Variants in DAP observed in about 807,000 individuals in gnomAD.
DAP encodes death-associated protein 1.
DAP carries 8 observed loss-of-function variants against 13.8 expected under a neutral mutation model. The ratio of observed to expected loss-of-function variants is 0.58; its 90% CI spans 0.34 to 1.05. DAP has a LOEUF of 1.05. Ranked by LOEUF, DAP falls within the 50% of genes least tolerant of loss-of-function variation. DAP has a pLI of 0.03. For missense variants in DAP, 106 were observed against 133.2 expected (o/e 0.80, Z 1.01); for synonymous variants, 47 against 47.5 (o/e 0.99, Z 0.04).
chr5:10,743,419 A>G (rs1739811227), intron 2 of DAP, among the ~76,000 whole-genome samples: 1 of 152,186 alleles, frequency 6.6e-6, no homozygotes, highest in Non-Finnish European at 1.5e-5. Flanking sequence ...AGAACCATGC[A>G]AAAAGTCAAG....
intron 1 of DAP, among the ~76,000 whole-genome samples, chr5:10,750,399 G>A (rs1165120174): frequency 6.6e-6 from 1 of 152,146 alleles, no homozygotes; most frequent in Non-Finnish European, 1.5e-5. Flanking sequence ...CTGGCTGTTA[G>A]AAAAGGGCAA....
chr5:10,734,877 C>A (rs1373733710), intron 2 of DAP, among the ~76,000 whole-genome samples: 3 of 152,112 alleles, frequency 2.0e-5, no homozygotes. Context: ...TCTAAAGAAA[C>A]AAAATGAATT....
intron 2 of DAP, among the ~76,000 whole-genome samples, chr5:10,700,904 A>C (rs183145501): frequency 6.6e-6 from 1 of 152,390 alleles, no homozygotes; most frequent in Non-Finnish European, 1.5e-5. Flanking sequence ...ACATTGGCTG[A>C]CCAGCACAAG....
intron 2 of DAP, among the ~76,000 whole-genome samples, chr5:10,715,456 A>C (rs1275736152): frequency 6.6e-6 from 1 of 152,196 alleles, no homozygotes; most frequent in Non-Finnish European, 1.5e-5. Flanking sequence ...GACATGGAGT[A>C]GAAGCCTGAG....
intron 2 of DAP, among the ~76,000 whole-genome samples, chr5:10,702,421 C>T (rs1007838094): frequency 2.0e-5 from 3 of 152,142 alleles, no homozygotes; most frequent in African/African-American, 7.2e-5. Context: ...TTTTGTGACC[C>T]GACAATCTGG....
chr5:10,746,250 G>A (rs1250024688), intron 2 of DAP, among the ~76,000 whole-genome samples: 1 of 152,148 alleles, frequency 6.6e-6, no homozygotes, highest in African/African-American at 2.4e-5. Flanking sequence ...TGAACTTACA[G>A]GAGAGTTGCT....
At chr5:10,698,249 C>T (rs1460035404) in intron 2 of DAP, among the ~76,000 whole-genome samples, 2 of 111,380 alleles carry the variant, frequency 1.8e-5, no homozygotes, top group Non-Finnish European at 1.7e-5. Context: ...TTCCTCAGAT[C>T]ATACCAAGCA....
rs773074208 is a variant in DAP, at chr5:10,683,550, G to A, written c.174C>T (p.Phe58=). The A allele has an allele frequency of 4.0e-5, 65 of 1,613,912 alleles. No homozygotes were observed. The highest frequency in any genetic ancestry group is 4.9e-5 in the Non-Finnish European group (58 of 1,179,984). Reference sequence around the variant, plus strand: ...TTACCCGGGCGATGACCCCAGAGATGAACACAGTGGGTTTAGGTGGACTGG... The same window carrying A: ...TTACCCGGGCGATGACCCCAGAGATAAACACAGTGGGTTTAGGTGGACTGG... ...ESPSPPKPTV[F]ISGVIARGDK... The change falls in exon 3 of 4, where the codon TTC becomes TTT. Residue 58 remains phenylalanine, a synonymous_variant. Transcript: ENST00000230895.
chr5:10,751,080 A>G (rs1740033693), intron 1 of DAP, among the ~76,000 whole-genome samples: 1 of 152,188 alleles, frequency 6.6e-6, no homozygotes, highest in Admixed American at 6.5e-5. Context: ...TCCTAGGGCC[A>G]CTGGGCAGGT....
intron 2 of DAP, among the ~76,000 whole-genome samples, chr5:10,732,705 T>C (rs1430021652): frequency 1.3e-5 from 2 of 152,220 alleles, no homozygotes; most frequent in African/African-American, 4.8e-5. Flanking sequence ...AATTGCCAGG[T>C]CACATGGAAA....
intron 2 of DAP, among the ~76,000 whole-genome samples, chr5:10,741,343 AC>A (rs1328152359): frequency 6.6e-6 from 1 of 152,104 alleles, no homozygotes; most frequent in African/African-American, 2.4e-5. Context: ...GCAGAGTGAG[AC>A]CCTGTCTCAA....
At chr5:10,743,793 G>C (rs1739829282) in intron 2 of DAP, among the ~76,000 whole-genome samples, 1 of 152,146 alleles carries the variant, frequency 6.6e-6, no homozygotes, top group Admixed American at 6.5e-5. Flanking sequence ...GAAAGTATTA[G>C]CTAATAATAA....
intron 2 of DAP, among the ~76,000 whole-genome samples, chr5:10,716,733 G>T (rs1738999763): frequency 6.6e-6 from 1 of 152,056 alleles, no homozygotes; most frequent in South Asian, 2.1e-4. Flanking sequence ...AGCCTATTCT[G>T]GGAACTTGTG....
chr5:10,730,373 T>C (rs553952522), intron 2 of DAP, among the ~76,000 whole-genome samples: 4 of 152,342 alleles, frequency 2.6e-5, no homozygotes, highest in Admixed American at 6.5e-5. Flanking sequence ...AACCCTGTCC[T>C]ATACAAATCT....
At chr5:10,748,932 T>C (rs1475863031) in intron 1 of DAP, among the ~76,000 whole-genome samples, 1 of 152,260 alleles carries the variant, frequency 6.6e-6, no homozygotes, top group Non-Finnish European at 1.5e-5. Context: ...TAATCAATTT[T>C]AGGAGATTTT....
rs10596228 is a variant in DAP at position 10,693,124 on chromosome 5, G to GCACACACACACACA, written c.153-9567_153-9554dup. On this transcript the variant is annotated intron_variant, in intron 2 of 3. Coordinates refer to ENST00000230895, the MANE Select transcript of DAP (RefSeq NM_004394.3). ...CTGGGATGGGGAGAAACATGCACAC[G>GCACACACACACACA]CACACACACACACACACACACACAC... is the stretch of plus-strand genomic sequence containing the variant. Among the ~76,000 whole-genome samples, 209 of 148,970 alleles carry GCACACACACACACA rather than the reference G, an allele frequency of 1.4e-3. 1 individual carries two copies. Among genetic ancestry groups the GCACACACACACACA allele is most frequent in the African/African-American group, 5.0e-3 (203 of 40,644 alleles).
chr5:10,747,373 T>C (rs1360155395), intron 2 of DAP, among the ~76,000 whole-genome samples: 2 of 152,198 alleles, frequency 1.3e-5, no homozygotes, highest in African/African-American at 2.4e-5. Context: ...AGGAGGGGTC[T>C]GCAAGGAGAC....
intron 2 of DAP, among the ~76,000 whole-genome samples, chr5:10,713,796 T>C (rs915762077): frequency 6.6e-6 from 1 of 152,200 alleles, no homozygotes; most frequent in Non-Finnish European, 1.5e-5. Context: ...ATTCGGGTGA[T>C]GACAAAGGCG....
At chr5:10,693,871 A>G (rs1206988258) in intron 2 of DAP, among the ~76,000 whole-genome samples, 3 of 152,236 alleles carry the variant, frequency 2.0e-5, no homozygotes, top group Non-Finnish European at 2.9e-5. Context: ...TTTTCCTGAA[A>G]AATGATCACT....
Sources: allele counts gnomAD v4.1 joint callset (sites outside exome capture counted in the v4.1 genomes callset), GRCh38; gene constraint gnomAD v4.1.1; transcripts MANE v1.5; gene names NCBI Gene and HGNC (gene_info 2026-07-23, HGNC 2026-07-21).